The following YPEL2 variants were observed in gnomAD, a reference collection of about 807,000 sequenced individuals.
The protein encoded by YPEL2 is yippee like 2.
A neutral mutation model predicts 19.1 loss-of-function variants in YPEL2; 2 were observed. The ratio of observed to expected loss-of-function variants is 0.10; its 90% confidence interval spans 0.04 to 0.33. YPEL2 has a LOEUF of 0.33. Among genes scored for constraint, YPEL2 ranks in the 10% least tolerant of loss-of-function variants. The probability of loss-of-function intolerance (pLI) is 1.00; values close to 1 mark genes in which losing one functional copy is unlikely to be tolerated. For missense variants in YPEL2, 66 were observed against 140.7 expected (o/e 0.47, Z 2.68); for synonymous variants, 52 against 50.0 (o/e 1.04, Z -0.17).
At chr17:59,359,397 C>T (rs181795280) in intron 2 of YPEL2, among the ~76,000 whole-genome samples, 1 of 152,206 alleles carries the variant, frequency 6.6e-6, no homozygotes, top group African/African-American at 2.4e-5. Context: ...TGAGTTATAT[C>T]ACTAGTAGTG....
At chr17:59,345,700 G>A (rs1282705020) in intron 1 of YPEL2, among the ~76,000 whole-genome samples, 1 of 152,110 alleles carries the variant, frequency 6.6e-6, no homozygotes, top group African/African-American at 2.4e-5. Context: ...CTGGGGGACG[G>A]GAACGCCATT....
Position 59,389,065 on chromosome 17 carries a change from C to T in YPEL2, c.162-295C>T. On this transcript the variant is annotated intron_variant, in intron 3 of 4. Transcript: ENST00000312655. ...CTTCACAGTGTGGCTGTCAGCTTGT[C>T]CCCCTAAGTCACAGATTTAAAGTAT... 2.0e-5 allele frequency: 8 copies of T among 395,388 alleles called. 1 individual carries two copies. The South Asian group carries it at 2.3e-4, about 11-fold the overall frequency. The allele number at this position is 395,388 out of a possible 1,614,324, so 24.5% of individuals were successfully genotyped here.
chr17:59,347,930 T>C (rs927692136), intron 1 of YPEL2, among the ~76,000 whole-genome samples: 3 of 152,136 alleles, frequency 2.0e-5, no homozygotes, highest in Non-Finnish European at 2.9e-5. Context: ...TCTTTTTCTT[T>C]CTTTTTTTTT....
intron 2 of YPEL2, chr17:59,354,221 C>A (rs1038266560): frequency 6.6e-6 from 1 of 152,568 alleles, no homozygotes; most frequent in African/African-American, 2.4e-5. Context: ...AGGGAGCGTT[C>A]TCAGGGGAAC....
intron 1 of YPEL2, among the ~76,000 whole-genome samples, chr17:59,341,511 T>C (rs954926061): frequency 6.6e-6 from 1 of 151,792 alleles, no homozygotes; most frequent in African/African-American, 2.4e-5. Flanking sequence ...ATACAAAAAT[T>C]AGCCGGGTGT....
rs1477934731 is a variant in YPEL2 at position 59,353,712 on chromosome 17, AT to A, written c.117+189del. The A allele has an allele frequency of 9.8e-6, 6 of 615,060 alleles. No individual in the cohort carries two copies. The highest frequency in any genetic ancestry group is 1.5e-5 in the Non-Finnish European group (5 of 332,960). The allele number at this position is 615,060 out of a possible 1,614,324, so 38.1% of individuals were successfully genotyped here. ...GTTGGAGGGACAGAGTAGTCATTTA[AT>A]TTGTTATTTTGGAAATGAGGTGTCA... On this transcript the variant is annotated intron_variant, in intron 2 of 4. Transcript: ENST00000312655. This position sits in a 1 kb window ranked among gnomAD's most constrained non-coding sequence, Gnocchi z 4.8.
intron 3 of YPEL2, 22 bp downstream of exon 3, chr17:59,388,392 A>C: frequency 2.5e-6 from 4 of 1,612,842 alleles, no homozygotes; most frequent in Non-Finnish European, 3.4e-6. Context: ...TGAATGGTAC[A>C]TTCCTTGTGG....
chr17:59,344,328 G>A (rs977702513), intron 1 of YPEL2, among the ~76,000 whole-genome samples: 2 of 152,166 alleles, frequency 1.3e-5, no homozygotes, highest in Admixed American at 6.5e-5. Flanking sequence ...TGCCAAGAAC[G>A]ATGGAAGGAG....
Position 59,399,459 on chromosome 17 carries a change from C to T in YPEL2, c.*2269C>T, listed in dbSNP as rs970225031. ...CCAAGGGGACCAATGTGCCACTGTT[C>T]TTCCTTGGGGATGAGGCCTTTGACT... On this transcript the variant is annotated 3_prime_UTR_variant, in exon 5 of 5. Coordinates refer to ENST00000312655, the MANE Select transcript of YPEL2 (RefSeq NM_001005404.4). The T allele has an allele frequency of 2.6e-5, 4 of 152,126 alleles. No individual in the cohort carries two copies. Among genetic ancestry groups the T allele is most frequent in the African/African-American group, 9.7e-5 (4 of 41,412 alleles). 9.4% of individuals were successfully genotyped at this position (152,126 alleles called of 1,614,324 possible).
intron 2 of YPEL2, among the ~76,000 whole-genome samples, chr17:59,370,500 G>A (rs1645022653): frequency 6.6e-6 from 1 of 152,108 alleles, no homozygotes; most frequent in African/African-American, 2.4e-5. Context: ...GTAAATTCAG[G>A]CCTGATCTCA....
At chr17:59,342,958 C>G (rs2147935443) in intron 1 of YPEL2, among the ~76,000 whole-genome samples, 1 of 152,236 alleles carries the variant, frequency 6.6e-6, no homozygotes, top group East Asian at 1.9e-4. Flanking sequence ...GGAAGCTAAC[C>G]CAAGGGAGCA....
rs534422757 is a variant in YPEL2 at position 59,386,454 on chromosome 17, G to A, written c.118-1873G>A. On this transcript the variant is annotated intron_variant, in intron 2 of 4. Transcript: ENST00000312655. Reference sequence around the variant, plus strand: ...CTTAATGAAAGAGGGGAGCTGAGCTGAGGCTTATTGGGTCAGGTGGAAGAG... The same window carrying A: ...CTTAATGAAAGAGGGGAGCTGAGCTAAGGCTTATTGGGTCAGGTGGAAGAG... Among the ~76,000 whole-genome samples the A allele has an allele frequency of 3.9e-5, 6 of 152,286 alleles. No homozygotes were observed. In the South Asian group the frequency reaches 1.2e-3, roughly 32 times the overall value.
chr17:59,333,255 C>G (rs2047681007), intron 1 of YPEL2, among the ~76,000 whole-genome samples: 1 of 152,202 alleles, frequency 6.6e-6, no homozygotes, highest in African/African-American at 2.4e-5. Context: ...TGCAGACTTC[C>G]CCCTTGGCAC....
chr17:59,341,013 C>T (rs1211526475), intron 1 of YPEL2, among the ~76,000 whole-genome samples: 2 of 149,756 alleles, frequency 1.3e-5, no homozygotes, highest in Non-Finnish European at 3.0e-5. Context: ...CCGCACCCGG[C>T]TGTTTTGCGG....
chr17:59,395,767 A>G (rs2048035858), intron 4 of YPEL2, among the ~76,000 whole-genome samples: 1 of 152,144 alleles, frequency 6.6e-6, no homozygotes, highest in Non-Finnish European at 1.5e-5. Flanking sequence ...CTCTAAGCCT[A>G]ACAATTACAG....
At chr17:59,393,861 A>C (rs1272244131) in intron 4 of YPEL2, among the ~76,000 whole-genome samples, 1 of 151,922 alleles carries the variant, frequency 6.6e-6, no homozygotes, top group Non-Finnish European at 1.5e-5. Flanking sequence ...ATCCCAAGGC[A>C]GAAGAATTTT....
Position 59,353,367 on chromosome 17 carries a change from C to G in YPEL2, c.-43C>G, listed in dbSNP as rs1408778200. On this transcript the variant is annotated 5_prime_UTR_variant, in exon 2 of 5. Transcript: ENST00000312655. This position sits in a 1 kb window ranked among gnomAD's most constrained non-coding sequence, Gnocchi z 4.8. The stretch of plus-strand genomic sequence containing the variant: ...CGTGCGACCCATCCTGTGGGAGTGC[C>G]TCGTGGGCTGCCCCAGAGTTCACCC... The G allele has an allele frequency of 6.9e-7, 1 of 1,455,904 alleles. No individual in the cohort carries two copies. Among genetic ancestry groups the G allele is most frequent in the Admixed American group, 1.9e-5 (1 of 51,404 alleles). The allele number at this position is 1,455,904 out of a possible 1,614,324, so 90.2% of individuals were successfully genotyped here.
chr17:59,344,916 A>G (rs901349492), intron 1 of YPEL2, among the ~76,000 whole-genome samples: 4 of 152,186 alleles, frequency 2.6e-5, no homozygotes, highest in African/African-American at 9.7e-5. Flanking sequence ...ACCTTTTGGC[A>G]CCAGGGACCG....
chr17:59,385,833 A>G (rs886609973), intron 2 of YPEL2, among the ~76,000 whole-genome samples: 1 of 151,982 alleles, frequency 6.6e-6, no homozygotes, highest in African/African-American at 2.4e-5. Flanking sequence ...TTTATAGAAA[A>G]CAAAAAAAAC....
Sources: gnomAD v4.1 joint callset for allele counts (sites outside exome capture counted in the v4.1 genomes callset) on GRCh38, gnomAD v4.1.1 for gene constraint, Gnocchi (gnomAD v3.1) non-coding constraint, MANE v1.5 for transcripts, NCBI Gene and HGNC (gene_info 2026-07-23, HGNC 2026-07-21) for gene names.